Variants in RPH3AL observed in about 807,000 individuals in gnomAD.
RPH3AL encodes the protein rabphilin 3A like (without C2 domains).
Under a neutral mutation model 43.1 loss-of-function variants are expected in RPH3AL, and 38 were observed. The ratio of observed to expected loss-of-function variants is 0.88; its 90% CI spans 0.68 to 1.15. RPH3AL has a LOEUF of 1.15. Ranked by LOEUF, RPH3AL falls within the 50% of genes most tolerant of loss-of-function variation. The probability of loss-of-function intolerance (pLI) is 0.00; values close to 1 mark genes in which losing one functional copy is unlikely to be tolerated. For synonymous variants in RPH3AL, 189 were observed against 176.3 expected, an observed-to-expected ratio of 1.07 and a Z score of -0.57; for missense variants, 462 against 423.2, an observed-to-expected ratio of 1.09 and a Z score of -0.81.
chr17:213,733 G>A lies in RPH3AL; in HGVS notation c.*119C>T, dbSNP rs1195957213. The stretch of plus-strand genomic sequence containing the variant: ...GGGAGGCAGACGGCTCCCAACACTG[G>A]TTTGTTGAGTCATGGCCAACAGGGT... On this transcript the variant is annotated 3_prime_UTR_variant, in exon 10 of 10. Coordinates refer to ENST00000331302, the MANE Select transcript of RPH3AL (RefSeq NM_006987.4). 3 of 810,790 alleles carry A rather than the reference G, an allele frequency of 3.7e-6. No homozygotes were observed. 50.2% of individuals were successfully genotyped at this position (810,790 alleles called of 1,614,324 possible). A position where few individuals can be genotyped will look rare whatever the true frequency, so the allele number is the denominator to read the frequency against.
In RPH3AL at chr17:286,464, C is replaced by T. The variant is rs73282686; in HGVS notation, c.352-4610G>A. ...GGGGGCAGGGGGCGTTCCTAAGAGG[C>T]GAGGGCTACGGAAAGACGACACGCT... On this transcript the variant is annotated intron_variant, in intron 5 of 9. Transcript: ENST00000331302. Among the ~76,000 whole-genome samples, 884 of 152,216 alleles carry T rather than the reference C, an allele frequency of 5.8e-3. 13 individuals carry two copies. Among genetic ancestry groups the T allele is most frequent in the African/African-American group, 0.02 (836 of 41,536 alleles).
chr17:327,444 T>TG lies in RPH3AL; in HGVS notation c.77+22dup, dbSNP rs746895008. 14 of 1,610,244 alleles carry TG rather than the reference T, an allele frequency of 8.7e-6. No homozygotes were observed. In the South Asian group the frequency reaches 1.3e-4, roughly 15 times the overall value. ...AGGGAGGCAGAAGGAAGGGACGGCC[T>TG]GGGGGGCCCCAGAGGTACTCACTTG... is the stretch of plus-strand genomic sequence containing the variant. On this transcript the variant is annotated intron_variant, in intron 3 of 9. Coordinates refer to ENST00000331302, the MANE Select transcript of RPH3AL (RefSeq NM_006987.4).
chr17:247,945 C>T (rs988831510), intron 6 of RPH3AL, among the ~76,000 whole-genome samples: 3 of 152,190 alleles, frequency 2.0e-5, no homozygotes, highest in Non-Finnish European at 4.4e-5. Context: ...CCTTCTCTCG[C>T]TGGCCCAAGG....
chr17:332,253 C>A, intron 2 of RPH3AL: 1 of 284,686 alleles, frequency 3.5e-6, no homozygotes, highest in South Asian at 3.7e-5. Flanking sequence ...CCAGCTGGGA[C>A]AGGTAAGAGG....
intron 7 of RPH3AL, among the ~76,000 whole-genome samples, chr17:233,248 C>A (rs747407313): frequency 7.2e-5 from 11 of 152,146 alleles, no homozygotes; most frequent in Non-Finnish European, 1.6e-4. Context: ...CTCTACCCCC[C>A]GCCTGAAATT....
At chr17:347,432 T>A (rs1192091956) in intron 1 of RPH3AL, among the ~76,000 whole-genome samples, 1 of 151,884 alleles carries the variant, frequency 6.6e-6, no homozygotes, top group Non-Finnish European at 1.5e-5. Flanking sequence ...AATAAAAACA[T>A]GTTTAGCCAG....
At chr17:352,274 C>T (rs1035593600) in intron 1 of RPH3AL, among the ~76,000 whole-genome samples, 4 of 152,198 alleles carry the variant, frequency 2.6e-5, no homozygotes, top group African/African-American at 4.8e-5. Context: ...TGCTCCGATG[C>T]GTGGCCCCCA....
chr17:250,891 G>A (rs2041887575), intron 6 of RPH3AL, among the ~76,000 whole-genome samples: 2 of 151,168 alleles, frequency 1.3e-5, no homozygotes. Context: ...GGACCTCTCA[G>A]AGCCTAAGCG....
Position 321,826 on chromosome 17 carries a change from G to A in RPH3AL, c.78-411C>T, listed in dbSNP as rs2044490140. On this transcript the variant is annotated intron_variant, in intron 3 of 9. Transcript: ENST00000331302. Reference sequence around the variant, plus strand: ...CCGCCAGCTCCTGGGCCTTGGCAAAGACGGCAGCACCACCTTAGCCCGGGA... The same window carrying A: ...CCGCCAGCTCCTGGGCCTTGGCAAAAACGGCAGCACCACCTTAGCCCGGGA... Among the ~76,000 whole-genome samples the A allele has an allele frequency of 2.6e-5, 4 of 152,248 alleles. No homozygotes were observed. In the South Asian group the frequency reaches 8.3e-4, roughly 31 times the overall value.
chr17:239,408 A>G (rs1001477461), intron 7 of RPH3AL, among the ~76,000 whole-genome samples: 4 of 152,234 alleles, frequency 2.6e-5, no homozygotes, highest in African/African-American at 9.6e-5. Context: ...TTAGCTTCTC[A>G]TTAAGTTGAA....
At chr17:240,254 G>T (rs926434422) in intron 7 of RPH3AL, among the ~76,000 whole-genome samples, 7 of 135,190 alleles carry the variant, frequency 5.2e-5, no homozygotes, top group African/African-American at 1.6e-4. Flanking sequence ...AAAAAAAAAG[G>T]TTTTTTTGTT....
intron 1 of RPH3AL, among the ~76,000 whole-genome samples, chr17:337,151 C>T (rs767948550): frequency 1.6e-4 from 25 of 152,134 alleles, no homozygotes; most frequent in Middle Eastern, 3.4e-3. Context: ...GGTCTTGCTC[C>T]GTTGCCCAGG....
chr17:253,529 T>C (rs2151557485), intron 6 of RPH3AL, among the ~76,000 whole-genome samples: 1 of 152,282 alleles, frequency 6.6e-6, no homozygotes, highest in Middle Eastern at 3.4e-3. Context: ...GTTTCCATTG[T>C]ATTAAAGTAT....
chr17:240,523 G>T (rs9912863), intron 7 of RPH3AL, among the ~76,000 whole-genome samples: 87,709 of 151,876 alleles, frequency 0.58, 25,566 homozygotes, highest in South Asian at 0.72. Context: ...TGTTCCCACC[G>T]GCTCATATAG....
At chr17:277,628 C>A (rs1209159386) in intron 6 of RPH3AL, among the ~76,000 whole-genome samples, 4 of 152,124 alleles carry the variant, frequency 2.6e-5, no homozygotes, top group Admixed American at 2.6e-4. Context: ...TTACTCAAGA[C>A]CCTCCAAGGG....
intron 5 of RPH3AL, among the ~76,000 whole-genome samples, chr17:315,473 C>A (rs78905663): frequency 1.4e-3 from 44 of 30,406 alleles, no homozygotes; most frequent in African/African-American, 4.5e-3. Flanking sequence ...TCCCTGTGCT[C>A]CCACCTCCAT....
Position 281,832 on chromosome 17 carries a change from A to T in RPH3AL, c.374T>A (p.Ile125Asn), listed in dbSNP as rs1215136698. The T allele has an allele frequency of 1.2e-6, 2 of 1,613,850 alleles. No homozygotes were observed. The highest frequency in any genetic ancestry group is 2.7e-5 in the African/African-American group (2 of 74,834). ...CRKKVCTKCG[I>N]EASPGQKRPL... ...CCGCTTCTGGCCAGGGGAGGCCTCG[A>T]TCCCACATTTGGTGCAGACTTTCTA... The change falls in exon 6 of 10, where the codon ATC becomes AAC. Residue 125 changes from isoleucine (I) to asparagine (N), a missense_variant. By Grantham distance (149) the Ile-to-Asn change is moderately radical. Transcript: ENST00000331302.
chr17:258,002 G>A lies in RPH3AL; in HGVS notation c.439-10717C>T, dbSNP rs556867242. 6.6e-5 allele frequency among the ~76,000 whole-genome samples: 10 copies of A among 151,940 alleles called. 2 individuals carry two copies. Among genetic ancestry groups the A allele is most frequent in the African/African-American group, 2.4e-4 (10 of 41,318 alleles). On this transcript the variant is annotated intron_variant, in intron 6 of 9. Coordinates refer to ENST00000331302, the MANE Select transcript of RPH3AL (RefSeq NM_006987.4). ...GTACTTCCTATGAGGGGAGCCGCAC[G>A]GCATCTGTCCTTTTTTGGCTGCTTA...
intron 5 of RPH3AL, among the ~76,000 whole-genome samples, chr17:301,001 ACTC>A (rs1336294683): frequency 6.6e-6 from 1 of 152,224 alleles, no homozygotes; most frequent in African/African-American, 2.4e-5. Flanking sequence ...CTGGGCCGTG[ACTC>A]CTCCACGTAT....
Sources: gnomAD v4.1 joint callset for allele counts (sites outside exome capture counted in the v4.1 genomes callset) on GRCh38, gnomAD v4.1.1 for gene constraint, MANE v1.5 for transcripts, NCBI Gene and HGNC (gene_info 2026-07-23, HGNC 2026-07-21) for gene names.